The following TRHDE variants were observed in gnomAD, a reference collection of about 807,000 sequenced individuals.
The protein encoded by TRHDE is thyrotropin releasing hormone degrading enzyme.
In TRHDE, 72 loss-of-function variants were observed where a neutral mutation model predicts 125.7. The observed-to-expected ratio is 0.57, with a 90% confidence interval of 0.47 to 0.70. TRHDE has a LOEUF of 0.70. Among genes scored for constraint, TRHDE ranks in the 30% least tolerant of loss-of-function variants. The probability of loss-of-function intolerance (pLI) is 0.00; values close to 1 mark genes in which losing one functional copy is unlikely to be tolerated. For synonymous variants in TRHDE, 509 were observed against 509.1 expected (o/e 1.00, Z 0.00); for missense variants, 1,110 against 1,327.1 (o/e 0.84, Z 2.54).
At chr12:72,233,246 C>G (rs541383907) in intron 2 of TRHDE, among the ~76,000 whole-genome samples, 1 of 152,048 alleles carries the variant, frequency 6.6e-6, no homozygotes, top group South Asian at 2.1e-4. Flanking sequence ...CAGGAGAAAA[C>G]GCTCTTATGA....
chr12:72,531,928 G>C (rs1455032963), intron 6 of TRHDE, among the ~76,000 whole-genome samples: 2 of 152,034 alleles, frequency 1.3e-5, no homozygotes, highest in African/African-American at 4.8e-5. Flanking sequence ...TTTCAAAATT[G>C]CTGTTGTTTA....
chr12:72,519,251 G>A (rs1475966436), intron 6 of TRHDE, among the ~76,000 whole-genome samples: 9 of 152,124 alleles, frequency 5.9e-5, no homozygotes, highest in Admixed American at 5.9e-4. Flanking sequence ...TTTCCAACTT[G>A]GTTCCATTCT....
At chr12:72,620,021 C>G (rs563672511) in intron 13 of TRHDE, among the ~76,000 whole-genome samples, 1 of 151,792 alleles carries the variant, frequency 6.6e-6, no homozygotes, top group Admixed American at 6.6e-5. Context: ...TTAGTTTTGT[C>G]TAAGCCCTTA....
intron 7 of TRHDE, among the ~76,000 whole-genome samples, chr12:72,550,941 T>G (rs1391459586): frequency 3.3e-5 from 5 of 151,918 alleles, no homozygotes; most frequent in African/African-American, 1.2e-4. Flanking sequence ...ATATCATAAA[T>G]GAGACTATGA....
chr12:72,327,239 G>A (rs1408886736), intron 2 of TRHDE, among the ~76,000 whole-genome samples: 4 of 152,110 alleles, frequency 2.6e-5, no homozygotes, highest in Non-Finnish European at 4.4e-5. Flanking sequence ...AATGAAGCCC[G>A]AGTTAGGGAG....
In TRHDE at chr12:72,248,417, C is replaced by CAAAAAAAAAAAAAAAAAAAAAA. The variant is rs34434650; in HGVS notation, n.280-129577_280-129556dup. On this transcript the variant is annotated intron_variant and non_coding_transcript_variant, in intron 2 of 4. Transcript: ENST00000548156. ...TGGGCAACAAAGCGAGACTCTGTCT[C>CAAAAAAAAAAAAAAAAAAAAAA]AAAAAAAAAAAAAAAAAAAAAAGCG... is the stretch of plus-strand genomic sequence containing the variant. 3.6e-5 allele frequency among the ~76,000 whole-genome samples: 2 copies of CAAAAAAAAAAAAAAAAAAAAAA among 55,786 alleles called. 1 individual carries two copies. The highest frequency in any genetic ancestry group is 6.4e-5 in the Non-Finnish European group (2 of 31,290). The allele number at this position is 55,786 out of a possible 152,430, so 36.6% of individuals were successfully genotyped here.
intron 2 of TRHDE, among the ~76,000 whole-genome samples, chr12:72,366,240 G>A (rs1215384711): frequency 6.6e-6 from 1 of 152,064 alleles, no homozygotes; most frequent in Non-Finnish European, 1.5e-5. Flanking sequence ...CCATCACTCA[G>A]CCTACCACAC....
At chr12:72,208,933 C>T (rs941532694) in intron 2 of TRHDE, among the ~76,000 whole-genome samples, 5 of 152,180 alleles carry the variant, frequency 3.3e-5, no homozygotes, top group Non-Finnish European at 5.9e-5. Context: ...CAACCCTCTT[C>T]TTCAATGCTA....
At chr12:72,361,362 G>A (rs979597898) in intron 2 of TRHDE, among the ~76,000 whole-genome samples, 2 of 151,680 alleles carry the variant, frequency 1.3e-5, no homozygotes, top group Non-Finnish European at 2.9e-5. Context: ...TTTTATGCTT[G>A]GACATGCATT....
intron 2 of TRHDE, among the ~76,000 whole-genome samples, chr12:72,247,134 T>C (rs919358933): frequency 1.3e-5 from 2 of 152,208 alleles, no homozygotes; most frequent in African/African-American, 4.8e-5. Flanking sequence ...ATGTATCCTG[T>C]GTATATCCTG....
intron 2 of TRHDE, among the ~76,000 whole-genome samples, chr12:72,128,403 G>C (rs1052733660): frequency 2.0e-5 from 3 of 152,056 alleles, no homozygotes; most frequent in Admixed American, 2.0e-4. Context: ...ATTGGATACT[G>C]AGCATTTAAT....
intron 2 of TRHDE, among the ~76,000 whole-genome samples, chr12:72,299,309 C>T (rs1880418156): frequency 6.6e-6 from 1 of 152,116 alleles, no homozygotes; most frequent in African/African-American, 2.4e-5. Flanking sequence ...ACGATCTGTC[C>T]TCAATCACTA....
rs572600367 is a variant in TRHDE at position 72,182,332 on chromosome 12, G to A, written n.279+76580G>A. ...TCACTTTCCTTTGTTTGAATTAAGAGCTGTAGAGACTGAATTGGACAGCTG... is the reference window on the plus strand; with the variant it reads ...TCACTTTCCTTTGTTTGAATTAAGAACTGTAGAGACTGAATTGGACAGCTG... On this transcript the variant is annotated intron_variant and non_coding_transcript_variant, in intron 2 of 4. Coordinates refer to the TRHDE transcript ENST00000548156. Among the ~76,000 whole-genome samples the A allele has an allele frequency of 2.6e-4, 39 of 152,302 alleles. No individual in the cohort carries two copies. In the South Asian group the frequency reaches 8.1e-3, roughly 32 times the overall value.
intron 2 of TRHDE, among the ~76,000 whole-genome samples, chr12:72,299,899 A>T (rs1405711306): frequency 6.6e-6 from 1 of 152,168 alleles, no homozygotes; most frequent in Non-Finnish European, 1.5e-5. Flanking sequence ...GAAGAAGACC[A>T]ACGAGGGCAT....
At chr12:72,296,141 A>C (rs967281250) in intron 2 of TRHDE, among the ~76,000 whole-genome samples, 8 of 152,224 alleles carry the variant, frequency 5.3e-5, no homozygotes, top group Admixed American at 5.2e-4. Flanking sequence ...AAAATGATAG[A>C]TACTCAGTGA....
chr12:72,648,218 T>C (rs1457323444), intron 15 of TRHDE, among the ~76,000 whole-genome samples: 1 of 151,946 alleles, frequency 6.6e-6, no homozygotes, highest in African/African-American at 2.4e-5. Flanking sequence ...AAAAAAATTC[T>C]CAACAAATAA....
At chr12:72,635,564 T>C (rs1873705042) in intron 15 of TRHDE, among the ~76,000 whole-genome samples, 1 of 152,178 alleles carries the variant, frequency 6.6e-6, no homozygotes, top group Non-Finnish European at 1.5e-5. Context: ...GTTTTAGACA[T>C]GAAGTCCTTG....
chr12:72,324,306 T>C (rs1354863648), intron 2 of TRHDE, among the ~76,000 whole-genome samples: 1 of 152,112 alleles, frequency 6.6e-6, no homozygotes, highest in African/African-American at 2.4e-5. Flanking sequence ...GAGCCAGGAC[T>C]AGAACCTTGG....
intron 3 of TRHDE, among the ~76,000 whole-genome samples, chr12:72,445,733 A>G (rs1169842312): frequency 6.6e-6 from 1 of 151,972 alleles, no homozygotes; most frequent in Non-Finnish European, 1.5e-5. Flanking sequence ...CAGGCCAAGT[A>G]TGGCACATGG....
Sources: allele counts gnomAD v4.1 joint callset (sites outside exome capture counted in the v4.1 genomes callset), GRCh38; gene constraint gnomAD v4.1.1; transcripts MANE v1.5; gene names NCBI Gene and HGNC (gene_info 2026-07-23, HGNC 2026-07-21).